NEDD4L: variants seen among roughly 807,000 people sequenced by gnomAD.
The protein encoded by NEDD4L is E3 ubiquitin-protein ligase NEDD4-like.
In NEDD4L, 54 loss-of-function variants were observed where a neutral mutation model predicts 148.9. The ratio of observed to expected loss-of-function variants is 0.36; its 90% CI spans 0.29 to 0.45. NEDD4L has a LOEUF of 0.45. Among genes scored for constraint, NEDD4L ranks in the 20% least tolerant of loss-of-function variants. NEDD4L has a pLI of 1.00. For missense variants in NEDD4L, 856 were observed against 1,233.8 expected, an observed-to-expected ratio of 0.69 and a Z score of 4.59; for synonymous variants, 433 against 440.7, an observed-to-expected ratio of 0.98 and a Z score of 0.22.
intron 1 of NEDD4L, among the ~76,000 whole-genome samples, chr18:58,070,879 GA>G (rs1489769807): frequency 6.6e-6 from 1 of 152,190 alleles, no homozygotes; most frequent in African/African-American, 2.4e-5. Context: ...ATTAGTTCCT[GA>G]AAATCACTAA....
intron 1 of NEDD4L, among the ~76,000 whole-genome samples, chr18:58,156,435 G>A (rs547411950): frequency 5.9e-5 from 9 of 152,270 alleles, no homozygotes; most frequent in East Asian, 3.9e-4. Context: ...TTATTCCTGC[G>A]CTTTGTCTTA....
chr18:58,207,995 G>A (rs1479065628), intron 2 of NEDD4L, among the ~76,000 whole-genome samples: 1 of 152,000 alleles, frequency 6.6e-6, no homozygotes, highest in African/African-American at 2.4e-5. Flanking sequence ...GTGAGCCAAG[G>A]TCATGCCACT....
rs1459412343 is a variant in NEDD4L, at chr18:58,158,894, C to T, written c.49-6894C>T. On this transcript the variant is annotated intron_variant, in intron 1 of 30. Transcript: ENST00000400345. ...AGGCAACTGTGCACACACCTTGCCTCTGCCATTGACTGTAAGCTCCTGAGA... is the reference window on the plus strand; with the variant it reads ...AGGCAACTGTGCACACACCTTGCCTTTGCCATTGACTGTAAGCTCCTGAGA... Among the ~76,000 whole-genome samples the T allele has an allele frequency of 2.0e-5, 3 of 152,198 alleles. No homozygotes were observed. In the East Asian group the frequency reaches 5.8e-4, roughly 29 times the overall value.
intron 2 of NEDD4L, among the ~76,000 whole-genome samples, chr18:58,190,110 C>G (rs2039941291): frequency 6.6e-6 from 1 of 152,142 alleles, no homozygotes; most frequent in South Asian, 2.1e-4. Flanking sequence ...TTTGCTTTTT[C>G]TGAATTTCTA....
At chr18:58,265,599 C>T (rs566642363) in intron 5 of NEDD4L, among the ~76,000 whole-genome samples, 8 of 152,072 alleles carry the variant, frequency 5.3e-5, no homozygotes, top group Non-Finnish European at 1.2e-4. Flanking sequence ...GGGTCTTGCT[C>T]TGTTGCCCAG....
At position 58,349,573 on chromosome 18, in the gene NEDD4L, T is replaced by A. The variant is rs1330066921; in HGVS notation, c.1612T>A (p.Ser538Thr). The A allele has an allele frequency of 1.9e-6, 3 of 1,613,910 alleles. No individual in the cohort carries two copies. The African/African-American group carries it at 4.0e-5, about 22-fold the overall frequency. The change falls in exon 17 of 31, where the codon TCA becomes ACA. Residue 538 changes from serine (S) to threonine (T), a missense_variant. Coordinates refer to ENST00000400345, the MANE Select transcript of NEDD4L (RefSeq NM_001144967.3). ...PRLKFPVHMRSKTSLNPNDLG... is the reference protein window; with the variant it reads ...PRLKFPVHMRTKTSLNPNDLG... ...TTTGAAATTTCCAGTACATATGCGGTCAAAGACATCTTTAAACCCCAATGA... is the reference window on the plus strand; with the variant it reads ...TTTGAAATTTCCAGTACATATGCGGACAAAGACATCTTTAAACCCCAATGA...
intron 1 of NEDD4L, among the ~76,000 whole-genome samples, chr18:58,119,527 G>A (rs1044631809): frequency 3.3e-5 from 5 of 152,212 alleles, no homozygotes; most frequent in East Asian, 1.9e-4. Context: ...CCGATCCACT[G>A]ACCTGCTGTC....
intron 7 of NEDD4L, 59 bp downstream of exon 7, chr18:58,322,545 T>TC: frequency 1.0e-6 from 1 of 969,728 alleles, no homozygotes; most frequent in East Asian, 4.3e-5. Flanking sequence ...TAGGTATAGG[T>TC]GGGGATGCCT....
chr18:58,234,297 T>C, intron 2 of NEDD4L, among the ~76,000 whole-genome samples: 1 of 101,268 alleles, frequency 9.9e-6, no homozygotes, highest in Non-Finnish European at 1.9e-5. Context: ...CTCCTTCCCC[T>C]TCCTCCCTTT....
intron 1 of NEDD4L, among the ~76,000 whole-genome samples, chr18:58,105,193 A>G (rs901124901): frequency 9.9e-5 from 15 of 152,160 alleles, no homozygotes; most frequent in Admixed American, 4.6e-4. Context: ...GTTTTGAGAA[A>G]TCTGTCGGCA....
At chr18:58,389,399 A>T (rs2049488143) in intron 28 of NEDD4L, 3 of 474,500 alleles carry the variant, frequency 6.3e-6, no homozygotes. Flanking sequence ...CTAGACTTGA[A>T]TGAAGTTGGT....
chr18:58,078,212 T>C (rs1488703554), intron 1 of NEDD4L, among the ~76,000 whole-genome samples: 2 of 152,220 alleles, frequency 1.3e-5, no homozygotes, highest in Admixed American at 6.5e-5. Flanking sequence ...AGAAAGTACC[T>C]AATTTATTAA....
In NEDD4L at chr18:58,396,294, G is replaced by A. The variant is rs184561640; in HGVS notation, c.*25G>A. The A allele has an allele frequency of 4.7e-4, 711 of 1,504,064 alleles. No homozygotes were observed. The highest frequency in any genetic ancestry group is 6.1e-4 in the Non-Finnish European group (660 of 1,084,570). The allele number at this position is 1,504,064 out of a possible 1,614,324, so 93.2% of individuals were successfully genotyped here. On this transcript the variant is annotated 3_prime_UTR_variant, in exon 31 of 31. Transcript: ENST00000400345. Reference sequence around the variant, plus strand: ...AGCACCCTGTGCCTCGGGGGTGGTTGTTCTTCAAGCAAGTTCTGCTTGCAC... The same window carrying A: ...AGCACCCTGTGCCTCGGGGGTGGTTATTCTTCAAGCAAGTTCTGCTTGCAC...
intron 1 of NEDD4L, among the ~76,000 whole-genome samples, chr18:58,082,401 A>T (rs62096161): frequency 2.7e-5 from 4 of 150,182 alleles, no homozygotes; most frequent in Non-Finnish European, 4.4e-5. Context: ...AATAAATATT[A>T]TTTTACACAT....
intron 5 of NEDD4L, among the ~76,000 whole-genome samples, chr18:58,288,418 A>G (rs2054234142): frequency 6.6e-6 from 1 of 152,262 alleles, no homozygotes; most frequent in African/African-American, 2.4e-5. Flanking sequence ...ACATATAAGT[A>G]TCAGACAGTT....
chr18:58,236,159 C>A (rs1369161499), intron 2 of NEDD4L, among the ~76,000 whole-genome samples: 1 of 151,964 alleles, frequency 6.6e-6, no homozygotes, highest in Non-Finnish European at 1.5e-5. Flanking sequence ...GAGTTTGAGA[C>A]CAACCTGGGC....
At chr18:58,165,970 G>C in intron 2 of NEDD4L, 109 bp downstream of exon 2, 1 of 874,538 alleles carries the variant, frequency 1.1e-6, no homozygotes, top group East Asian at 2.7e-5. Context: ...GACAAAGCTG[G>C]CTGGGCCCCA....
chr18:58,282,276 A>G (rs1252018401), intron 5 of NEDD4L, among the ~76,000 whole-genome samples: 1 of 151,900 alleles, frequency 6.6e-6, no homozygotes, highest in African/African-American at 2.4e-5. Context: ...TAGCTGGTAA[A>G]TGCAGTCCTG....
intron 5 of NEDD4L, among the ~76,000 whole-genome samples, chr18:58,288,213 A>C (rs895451892): frequency 6.6e-6 from 1 of 152,234 alleles, no homozygotes; most frequent in African/African-American, 2.4e-5. Context: ...ATCAGACCAC[A>C]TGAAGTGAAG....
Sources: gnomAD v4.1 joint callset for allele counts (sites outside exome capture counted in the v4.1 genomes callset) on GRCh38, gnomAD v4.1.1 for gene constraint, MANE v1.5 for transcripts, NCBI Gene and HGNC (gene_info 2026-07-23, HGNC 2026-07-21) for gene names.